Variants in MIS18A observed in about 807,000 individuals in gnomAD.
MIS18A encodes the protein MIS18 kinetochore protein A, also known as protein Mis18-alpha.
In MIS18A, 14 loss-of-function variants were observed where a neutral mutation model predicts 25.0. The observed-to-expected ratio is 0.56, with a 90% CI of 0.37 to 0.88. The LOEUF (loss-of-function observed/expected upper bound fraction) is 0.88. MIS18A is among the 40% of genes least tolerant of loss of function. The pLI is 0.00. For synonymous variants in MIS18A, 134 were observed against 118.6 expected, an observed-to-expected ratio of 1.13 and a Z score of -0.84; for missense variants, 292 against 290.8, an observed-to-expected ratio of 1.00 and a Z score of -0.03.
At chr21:32,195,830 G>A in the MIS18A span, among the ~76,000 whole-genome samples, 22,799 of 151,904 alleles carry the variant, frequency 0.15, 1,818 homozygotes, top group East Asian at 0.24. Context: ...GACCAGCCTG[G>A]CCAACATGGT....
the MIS18A span, among the ~76,000 whole-genome samples, chr21:32,231,670 T>C: frequency 2.0e-5 from 3 of 152,174 alleles, no homozygotes; most frequent in Non-Finnish European, 2.9e-5. Flanking sequence ...TACCAGCACT[T>C]TGGGAGGCCG....
the MIS18A span, among the ~76,000 whole-genome samples, chr21:32,258,491 C>G: frequency 3.3e-4 from 51 of 152,274 alleles, no homozygotes; most frequent in Non-Finnish European, 7.4e-5. Flanking sequence ...TGGTTGTGAA[C>G]AGGCTGGACA....
At chr21:32,155,586 C>A in the MIS18A span, among the ~76,000 whole-genome samples, 3 of 152,144 alleles carry the variant, frequency 2.0e-5, no homozygotes, top group South Asian at 6.2e-4. Context: ...TCCATTAGGG[C>A]ACCAACTGAA....
the MIS18A span, among the ~76,000 whole-genome samples, chr21:32,184,412 T>C: frequency 1.3e-5 from 2 of 152,166 alleles, no homozygotes; most frequent in African/African-American, 2.4e-5. Flanking sequence ...CCAAACTGAA[T>C]AGAAAATGCC....
chr21:32,196,459 CTTTTT>C, the MIS18A span, among the ~76,000 whole-genome samples: 1 of 131,012 alleles, frequency 7.6e-6, no homozygotes, highest in Non-Finnish European at 1.6e-5. Context: ...GAGCTAATGT[CTTTTT>C]TTTTTTTTTT....
At chr21:32,189,908 G>C in the MIS18A span, among the ~76,000 whole-genome samples, 2 of 152,114 alleles carry the variant, frequency 1.3e-5, no homozygotes, top group South Asian at 4.1e-4. Context: ...TTTCCTGTTT[G>C]TGCTCCCAGC....
chr21:32,196,459 C>CTTTTT, the MIS18A span, among the ~76,000 whole-genome samples: 1 of 131,024 alleles, frequency 7.6e-6, no homozygotes, highest in Non-Finnish European at 1.6e-5. Flanking sequence ...GAGCTAATGT[C>CTTTTT]TTTTTTTTTT....
intron 3 of MIS18A, among the ~76,000 whole-genome samples, chr21:32,270,158 AAAC>A (rs1177699895): frequency 6.6e-6 from 1 of 152,212 alleles, no homozygotes; most frequent in Non-Finnish European, 1.5e-5. Context: ...CAATTTTTAA[AAAC>A]AACTGAATAT....
At chr21:32,179,871 C>G in the MIS18A span, among the ~76,000 whole-genome samples, 1 of 152,198 alleles carries the variant, frequency 6.6e-6, no homozygotes, top group Non-Finnish European at 1.5e-5. Context: ...TCATGAAACT[C>G]TGCATACAAT....
the MIS18A span, among the ~76,000 whole-genome samples, chr21:32,169,646 A>T: frequency 6.6e-6 from 1 of 152,130 alleles, no homozygotes; most frequent in Non-Finnish European, 1.5e-5. Context: ...GCAGAATTGT[A>T]AGCCACTGAA....
intron 1 of MIS18A, among the ~76,000 whole-genome samples, chr21:32,276,288 G>C (rs1049177720): frequency 1.3e-5 from 2 of 151,626 alleles, no homozygotes; most frequent in Non-Finnish European, 2.9e-5. Context: ...GTGAAACCCC[G>C]TCTCTACTAA....
the MIS18A span, among the ~76,000 whole-genome samples, chr21:32,261,804 G>A: frequency 6.6e-6 from 1 of 152,200 alleles, no homozygotes; most frequent in Admixed American, 6.5e-5. Context: ...TGAAAGAGAG[G>A]CCAGACAGTA....
chr21:32,213,985 T>C, the MIS18A span, among the ~76,000 whole-genome samples: 1 of 152,200 alleles, frequency 6.6e-6, no homozygotes, highest in African/African-American at 2.4e-5. Flanking sequence ...GGGTTCATTA[T>C]TCAGTCTACC....
chr21:32,175,646 G>GAAAAAAAAAA, the MIS18A span, among the ~76,000 whole-genome samples: 1 of 135,554 alleles, frequency 7.4e-6, no homozygotes, highest in African/African-American at 2.8e-5. Context: ...GGTCTCTACT[G>GAAAAAAAAAA]AAAAAAAAAA....
the MIS18A span, among the ~76,000 whole-genome samples, chr21:32,251,029 G>T: frequency 1.3e-5 from 2 of 152,122 alleles, no homozygotes; most frequent in African/African-American, 4.8e-5. Flanking sequence ...TTCCCCTTTT[G>T]CTTGGCTCTC....
the MIS18A span, among the ~76,000 whole-genome samples, chr21:32,185,002 C>T: frequency 3.9e-5 from 6 of 152,082 alleles, no homozygotes; most frequent in African/African-American, 1.4e-4. Flanking sequence ...ACAGGTCTGT[C>T]ATAGATTCAT....
At position 32,279,011 on chromosome 21, in the gene MIS18A, C is replaced by T; in HGVS notation, c.4G>A (p.Ala2Thr). 7.5e-6 allele frequency: 12 copies of T among 1,592,126 alleles called. No individual in the cohort carries two copies. The highest frequency in any genetic ancestry group is 1.0e-5 in the Non-Finnish European group (12 of 1,168,952). Residue 2 changes from alanine to threonine, a missense_variant, in exon 1 of 5, where the codon GCA (alanine) becomes ACA (threonine). Physicochemically the swap from Ala to Thr is moderately conservative, Grantham distance 58 (BLOSUM62 0). Transcript: ENST00000290130. ...CTACACCTCAGTGACCGAACGCCTG[C>T]CATTACCTACAAATCGCCCGCGCCC... M[A>T]GVRSLRCSRG...
chr21:32,230,859 C>A, the MIS18A span, among the ~76,000 whole-genome samples: 1 of 152,094 alleles, frequency 6.6e-6, no homozygotes, highest in Non-Finnish European at 1.5e-5. Context: ...GCACAAATAA[C>A]AAAAGCAAAA....
the MIS18A span, among the ~76,000 whole-genome samples, chr21:32,241,022 T>A: frequency 6.6e-6 from 1 of 152,224 alleles, no homozygotes; most frequent in Non-Finnish European, 1.5e-5. Flanking sequence ...CCGAAGCCTG[T>A]CAAGCTGTTA....
Sources: gnomAD v4.1 joint callset for allele counts (sites outside exome capture counted in the v4.1 genomes callset) on GRCh38, gnomAD v4.1.1 for gene constraint, MANE v1.5 for transcripts, NCBI Gene and HGNC (gene_info 2026-07-23, HGNC 2026-07-21) for gene names.